The following CDH12 variants were observed in gnomAD, a reference collection of about 807,000 sequenced individuals.
CDH12 encodes the protein cadherin 12, also known as cadherin-12.
In CDH12, 41 loss-of-function variants were observed where a neutral mutation model predicts 74.1. The ratio of observed to expected loss-of-function variants is 0.55; its 90% CI spans 0.43 to 0.72. The LOEUF is 0.72. Among genes scored for constraint, CDH12 ranks in the 30% least tolerant of loss-of-function variants. CDH12 has a pLI of 0.00. For missense variants in CDH12, 945 were observed against 977.2 expected (o/e 0.97, Z 0.44); for synonymous variants, 399 against 355.0 (o/e 1.12, Z -1.39).
At chr5:22,700,704 T>C (rs959462279) in intron 1 of CDH12, among the ~76,000 whole-genome samples, 2 of 152,198 alleles carry the variant, frequency 1.3e-5, no homozygotes, top group African/African-American at 4.8e-5. Flanking sequence ...GAGTCAATAC[T>C]GGTGGTAAGA....
intron 3 of CDH12, among the ~76,000 whole-genome samples, chr5:22,230,425 G>A (rs143953802): frequency 9.5e-4 from 144 of 151,468 alleles, no homozygotes; most frequent in Non-Finnish European, 1.8e-3. Flanking sequence ...CATGTCAAAC[G>A]AGTCTTTGTT....
intron 1 of CDH12, among the ~76,000 whole-genome samples, chr5:22,778,068 G>A (rs1747195536): frequency 6.6e-6 from 1 of 152,118 alleles, no homozygotes; most frequent in Admixed American, 6.5e-5. Flanking sequence ...GCCTCCCAAA[G>A]TGCTGGGATT....
chr5:22,044,403 T>C (rs1250320280), intron 5 of CDH12, among the ~76,000 whole-genome samples: 5 of 152,010 alleles, frequency 3.3e-5, no homozygotes, highest in Non-Finnish European at 1.5e-5. Flanking sequence ...AAAGGGGAAG[T>C]GAGGCATGTC....
intron 4 of CDH12, among the ~76,000 whole-genome samples, chr5:22,138,845 AATATATATATATATATAT>A (rs67115449): frequency 6.5e-5 from 5 of 76,552 alleles, no homozygotes; most frequent in African/African-American, 1.3e-4. Flanking sequence ...ATATATACGT[AATATATATATATATATAT>A]ATATATATAT....
intron 6 of CDH12, among the ~76,000 whole-genome samples, chr5:21,919,484 C>A (rs753048967): frequency 6.6e-6 from 1 of 152,096 alleles, no homozygotes; most frequent in African/African-American, 2.4e-5. Context: ...GCCATTATTT[C>A]ATAAGCTGCC....
chr5:22,791,164 A>T (rs1463406050), intron 1 of CDH12, among the ~76,000 whole-genome samples: 1 of 152,194 alleles, frequency 6.6e-6, no homozygotes, highest in East Asian at 1.9e-4. Context: ...ATTACATAGC[A>T]GTTAAATTCT....
intron 8 of CDH12, among the ~76,000 whole-genome samples, chr5:21,840,698 G>A (rs1421883140): frequency 4.6e-5 from 7 of 151,818 alleles, no homozygotes; most frequent in Non-Finnish European, 1.5e-5. Context: ...CAGAAATAAC[G>A]CCGCATATCT....
chr5:22,360,978 T>G (rs1482237143), intron 3 of CDH12, among the ~76,000 whole-genome samples: 1 of 152,204 alleles, frequency 6.6e-6, no homozygotes, highest in East Asian at 1.9e-4. Context: ...AGTATCATAC[T>G]GAATGGGCAA....
intron 3 of CDH12, among the ~76,000 whole-genome samples, chr5:22,353,340 C>G (rs984024024): frequency 1.3e-5 from 2 of 151,988 alleles, no homozygotes; most frequent in Non-Finnish European, 2.9e-5. Context: ...GCTCAAAGAC[C>G]CTAAATTAAC....
chr5:22,184,857 T>TA (rs1451304605), intron 4 of CDH12, among the ~76,000 whole-genome samples: 3 of 152,162 alleles, frequency 2.0e-5, no homozygotes, highest in East Asian at 3.9e-4. Flanking sequence ...GTCATTTTTT[T>TA]AAAAAACTTT....
chr5:22,321,741 T>A (rs1434841176), intron 3 of CDH12, among the ~76,000 whole-genome samples: 1 of 152,226 alleles, frequency 6.6e-6, no homozygotes. Context: ...TTAAAATTTT[T>A]ATTTTTATGT....
intron 1 of CDH12, among the ~76,000 whole-genome samples, chr5:22,767,001 A>T (rs886225806): frequency 1.3e-5 from 2 of 152,098 alleles, no homozygotes; most frequent in East Asian, 1.9e-4. Flanking sequence ...ACAGTAATCA[A>T]TTTTTTGTGA....
intron 1 of CDH12, among the ~76,000 whole-genome samples, chr5:22,595,032 C>G (rs1045362566): frequency 6.6e-6 from 1 of 152,088 alleles, no homozygotes; most frequent in Non-Finnish European, 1.5e-5. Flanking sequence ...GCTTTGTTCT[C>G]CCTAATTTTA....
intron 1 of CDH12, among the ~76,000 whole-genome samples, chr5:22,640,386 T>A (rs1739082464): frequency 6.6e-6 from 1 of 152,208 alleles, no homozygotes; most frequent in Admixed American, 6.5e-5. Flanking sequence ...TCTCCTATAT[T>A]TCTGTTTCCT....
At chr5:22,153,183 C>CTT (rs70957094) in intron 4 of CDH12, among the ~76,000 whole-genome samples, 56,388 of 138,270 alleles carry the variant, frequency 0.41, 12,640 homozygotes, top group Middle Eastern at 0.56. Flanking sequence ...TTTTTCTTTT[C>CTT]TTTTTTTTTT....
At chr5:22,305,750 C>G (rs908026075) in intron 3 of CDH12, among the ~76,000 whole-genome samples, 2 of 152,160 alleles carry the variant, frequency 1.3e-5, no homozygotes, top group African/African-American at 4.8e-5. Flanking sequence ...TTCTGCATCT[C>G]ACTCCCATAT....
At chr5:22,405,528 CA>C in intron 2 of CDH12, among the ~76,000 whole-genome samples, 177 bp from the exon 3 acceptor site, 1 of 152,076 alleles carries the variant, frequency 6.6e-6, no homozygotes, top group South Asian at 2.1e-4. Context: ...TCTATCAGGC[CA>C]AAGATAGTAA....
At chr5:21,964,350 A>C (rs970015647) in intron 6 of CDH12, among the ~76,000 whole-genome samples, 1 of 152,066 alleles carries the variant, frequency 6.6e-6, no homozygotes, top group Non-Finnish European at 1.5e-5. Flanking sequence ...TAAGTTTTAC[A>C]CAAGGAAGCA....
chr5:21,868,987 C>G (rs1420235154), intron 6 of CDH12, among the ~76,000 whole-genome samples: 1 of 152,176 alleles, frequency 6.6e-6, no homozygotes, highest in East Asian at 1.9e-4. Context: ...ACTTTGTGCT[C>G]TGCTGGCCTG....
Sources: gnomAD v4.1 joint callset for allele counts (sites outside exome capture counted in the v4.1 genomes callset) on GRCh38, gnomAD v4.1.1 for gene constraint, MANE v1.5 for transcripts, NCBI Gene and HGNC (gene_info 2026-07-23, HGNC 2026-07-21) for gene names.